The following PHF2 variants were observed in gnomAD, a reference collection of about 807,000 sequenced individuals.
PHF2 encodes the protein lysine-specific demethylase PHF2.
Under a neutral mutation model 120.5 loss-of-function variants are expected in PHF2, and 27 were observed. The observed-to-expected ratio is 0.22, with a 90% confidence interval of 0.17 to 0.31. The LOEUF is 0.31. Among genes scored for constraint, PHF2 ranks in the 10% least tolerant of loss-of-function variants. The pLI, the probability that PHF2 is intolerant of heterozygous loss-of-function variation, is 1.00. For synonymous variants in PHF2, 568 were observed against 592.5 expected (o/e 0.96, Z 0.60); for missense variants, 1,024 against 1,434.8 (o/e 0.71, Z 4.63).
intron 1 of PHF2, among the ~76,000 whole-genome samples, chr9:93,584,963 A>T (rs1158609703): frequency 6.6e-6 from 1 of 152,226 alleles, no homozygotes; most frequent in Admixed American, 6.5e-5. Flanking sequence ...AGTTACATTT[A>T]TTCCTAGATG....
At chr9:93,604,302 G>T (rs1185549938) in intron 1 of PHF2, among the ~76,000 whole-genome samples, 2 of 152,000 alleles carry the variant, frequency 1.3e-5, no homozygotes, top group African/African-American at 4.8e-5. Flanking sequence ...TCTGGCAGGG[G>T]CAGGAGGCCT....
chr9:93,656,915 T>C lies in PHF2; in HGVS notation c.1147+320T>C, dbSNP rs566524927. On this transcript the variant is annotated intron_variant, in intron 9 of 21. Coordinates refer to ENST00000359246, the MANE Select transcript of PHF2 (RefSeq NM_005392.4). This position sits in a 1 kb window ranked among gnomAD's most constrained non-coding sequence, Gnocchi z 4.1. The stretch of plus-strand genomic sequence containing the variant: ...GCTCCACCCTCCACACTTGCCTCCA[T>C]TGGGAGGGTGGAGCCCTGGCTCTGT... Among the ~76,000 whole-genome samples the C allele has an allele frequency of 3.9e-5, 6 of 152,216 alleles. No homozygotes were observed. The South Asian group carries it at 1.2e-3, about 32-fold the overall frequency.
intron 1 of PHF2, among the ~76,000 whole-genome samples, chr9:93,615,305 TGTGATA>T (rs926098121): frequency 2.1e-5 from 3 of 144,312 alleles, no homozygotes. Flanking sequence ...GGTGATGATG[TGTGATA>T]GTGATAGTGA....
intron 1 of PHF2, among the ~76,000 whole-genome samples, chr9:93,598,502 G>A (rs372751615): frequency 7.2e-5 from 11 of 152,112 alleles, no homozygotes; most frequent in Admixed American, 1.3e-4. Context: ...GCCAACCCCC[G>A]TCAGAAGTGG....
At chr9:93,577,675 G>C (rs1289482225) in intron 1 of PHF2, among the ~76,000 whole-genome samples, 1 of 152,210 alleles carries the variant, frequency 6.6e-6, no homozygotes, top group Non-Finnish European at 1.5e-5. Flanking sequence ...CGCCGGTTTT[G>C]ACATGATCTT....
At position 93,663,628 on chromosome 9, in the gene PHF2, C is replaced by T. The variant is rs765271233; in HGVS notation, c.1930C>T (p.Leu644Phe). 1.9e-6 allele frequency: 3 copies of T among 1,605,796 alleles called. No homozygotes were observed. The highest frequency in any genetic ancestry group is 1.3e-5 in the African/African-American group (1 of 74,664). Reference sequence around the variant, plus strand: ...CTCTTTTTCTTTCTCCAACAAGAAACTCCTCGGGTATGTGAGTGCCTGGAT... The same window carrying T: ...CTCTTTTTCTTTCTCCAACAAGAAATTCCTCGGGTATGTGAGTGCCTGGAT... ...KFSFSFSNKK[L>F]LGSKALRPPT... The change falls in exon 14 of 22, where the codon CTC becomes TTC. Residue 644 changes from leucine (L) to phenylalanine (F), a missense_variant. Physicochemically the swap from Leu to Phe is conservative, Grantham distance 22. Transcript: ENST00000359246.
chr9:93,676,876 C>G lies in PHF2; in HGVS notation c.3115C>G (p.Arg1039Gly), dbSNP rs375390580. 3 of 1,574,800 alleles carry G rather than the reference C, an allele frequency of 1.9e-6. No individual in the cohort carries two copies. The highest frequency in any genetic ancestry group is 2.3e-5 in the South Asian group (2 of 85,800). Reference protein sequence around the residue: ...AGTFTGAQAGRTSQPMAPGVF... With the variant: ...AGTFTGAQAGGTSQPMAPGVF... ...CACCTTCACCGGGGCCCAGGCTGGCCGCACCTCCCAGCCCATGGCCCCTGG... is the reference window on the plus strand; with the variant it reads ...CACCTTCACCGGGGCCCAGGCTGGCGGCACCTCCCAGCCCATGGCCCCTGG... Residue 1039 changes from arginine (R) to glycine (G), a missense_variant, in exon 21 of 22, where the codon CGC becomes GGC. By Grantham distance (125) the Arg-to-Gly change is moderately radical (BLOSUM62 -2). Transcript: ENST00000359246.
At chr9:93,621,963 A>G (rs1208479793) in intron 1 of PHF2, among the ~76,000 whole-genome samples, 1 of 152,140 alleles carries the variant, frequency 6.6e-6, no homozygotes, top group Non-Finnish European at 1.5e-5. Flanking sequence ...CTGGACTATT[A>G]AAAGGATGTT....
intron 1 of PHF2, among the ~76,000 whole-genome samples, chr9:93,615,153 GATGATGATGGTGATGGTGATAGTA>G (rs200659756): frequency 0.31 from 45,113 of 147,626 alleles, 7,594 homozygotes; most frequent in South Asian, 0.59. Flanking sequence ...TAGTAATGGT[GATGATGATGGTGATGGTGATAGTA>G]ATGGTGATGG....
intron 9 of PHF2, among the ~76,000 whole-genome samples, chr9:93,657,659 C>T (rs1362541527): frequency 1.3e-5 from 2 of 152,182 alleles, no homozygotes; most frequent in Non-Finnish European, 2.9e-5. Context: ...AGCCCTGGAG[C>T]CCTCTTCAAT....
rs180731756 is a variant in PHF2, at chr9:93,590,412, C to T, written c.98+13541C>T. ...TGGGCTGGGAACAGGCCCTTCCACTCTCTCCCACTCCTGCCCCAGAGCTGG... is the reference window on the plus strand; with the variant it reads ...TGGGCTGGGAACAGGCCCTTCCACTTTCTCCCACTCCTGCCCCAGAGCTGG... On this transcript the variant is annotated intron_variant, in intron 1 of 21. Coordinates refer to ENST00000359246, the MANE Select transcript of PHF2 (RefSeq NM_005392.4). Among the ~76,000 whole-genome samples the T allele has an allele frequency of 5.8e-4, 89 of 152,294 alleles. 1 individual carries two copies. Among genetic ancestry groups the T allele is most frequent in the Middle Eastern group, 3.4e-3 (1 of 294 alleles).
chr9:93,600,799 C>T (rs1432218713), intron 1 of PHF2, among the ~76,000 whole-genome samples: 4 of 152,178 alleles, frequency 2.6e-5, no homozygotes, highest in Non-Finnish European at 5.9e-5. Flanking sequence ...TATGGGGAGG[C>T]CAGCCTCTCA....
chr9:93,602,247 C>CTTTTTTTTTTTTTTT (rs67001312), intron 1 of PHF2, among the ~76,000 whole-genome samples: 3 of 79,670 alleles, frequency 3.8e-5, no homozygotes, highest in African/African-American at 5.3e-5. Flanking sequence ...CCTAGAGATT[C>CTTTTTTTTTTTTTTT]TTTTTTTTTT....
At chr9:93,591,952 G>T (rs1825233603) in intron 1 of PHF2, among the ~76,000 whole-genome samples, 1 of 152,236 alleles carries the variant, frequency 6.6e-6, no homozygotes, top group Non-Finnish European at 1.5e-5. Context: ...ACCTGCCCGA[G>T]GGCATTGCTG....
chr9:93,603,846 A>G (rs1564377692), intron 1 of PHF2, among the ~76,000 whole-genome samples: 1 of 152,142 alleles, frequency 6.6e-6, no homozygotes, highest in Non-Finnish European at 1.5e-5. Context: ...TGGCATCCCC[A>G]TAGGGTTCTG....
At chr9:93,617,954 C>T (rs1825754493) in intron 1 of PHF2, among the ~76,000 whole-genome samples, 1 of 152,230 alleles carries the variant, frequency 6.6e-6, no homozygotes, top group African/African-American at 2.4e-5. Context: ...TGTTAATCTC[C>T]TTTGGCAACA....
intron 1 of PHF2, among the ~76,000 whole-genome samples, chr9:93,605,584 A>T (rs146677212): frequency 6.6e-6 from 1 of 152,220 alleles, no homozygotes; most frequent in Non-Finnish European, 1.5e-5. Context: ...GCAGAATGTC[A>T]TGTAGTAGAC....
intron 1 of PHF2, among the ~76,000 whole-genome samples, chr9:93,627,561 C>A (rs1359158122): frequency 7.6e-6 from 1 of 131,734 alleles, no homozygotes; most frequent in Non-Finnish European, 1.5e-5. Context: ...GAAGTGGCAA[C>A]AATAGGCATC....
chr9:93,679,457 A>G lies in PHF2; in HGVS notation c.*1781A>G. On this transcript the variant is annotated 3_prime_UTR_variant, in exon 22 of 22. Transcript: ENST00000359246. ...TATTTTGGCAACATGTACATTTCTAACAAAGTTTATCGTGGCTATTAAAGT... is the reference window on the plus strand; with the variant it reads ...TATTTTGGCAACATGTACATTTCTAGCAAAGTTTATCGTGGCTATTAAAGT... 1 of 312,652 alleles carries G rather than the reference A, an allele frequency of 3.2e-6. No homozygotes were observed. Among genetic ancestry groups the G allele is most frequent in the South Asian group, 2.6e-5 (1 of 37,986 alleles). 19.4% of individuals were successfully genotyped at this position (312,652 alleles called of 1,614,324 possible).
Sources: gnomAD v4.1 joint callset for allele counts (sites outside exome capture counted in the v4.1 genomes callset) on GRCh38, gnomAD v4.1.1 for gene constraint, Gnocchi (gnomAD v3.1) non-coding constraint, MANE v1.5 for transcripts, NCBI Gene and HGNC (gene_info 2026-07-23, HGNC 2026-07-21) for gene names.